Variants in VWC2 observed in about 807,000 individuals in gnomAD.
The protein encoded by VWC2 is von Willebrand factor C domain containing 2.
In VWC2, 14 loss-of-function variants were observed where a neutral mutation model predicts 29.8. The ratio of observed to expected loss-of-function variants is 0.47; its 90% CI spans 0.31 to 0.74. VWC2 has a LOEUF of 0.74. VWC2 is among the 30% of genes least tolerant of loss of function. The pLI, the probability that VWC2 is intolerant of heterozygous loss-of-function variation, is 0.05. For missense variants in VWC2, 457 were observed against 459.8 expected (o/e 0.99, Z 0.05); for synonymous variants, 213 against 199.0 (o/e 1.07, Z -0.59).
chr7:49,888,631 C>T (rs1458851113), intron 3 of VWC2, among the ~76,000 whole-genome samples: 1 of 152,162 alleles, frequency 6.6e-6, no homozygotes, highest in African/African-American at 2.4e-5. Flanking sequence ...GCACCTTTTG[C>T]CAGGCGCGGT....
chr7:49,911,187 T>C (rs935826419), intron 3 of VWC2, among the ~76,000 whole-genome samples: 2 of 152,084 alleles, frequency 1.3e-5, no homozygotes, highest in Non-Finnish European at 2.9e-5. Flanking sequence ...TTGTCTCTTA[T>C]AAAAATTTTA....
chr7:49,787,531 C>T (rs1788326555), intron 2 of VWC2, among the ~76,000 whole-genome samples: 1 of 152,184 alleles, frequency 6.6e-6, no homozygotes, highest in African/African-American at 2.4e-5. Flanking sequence ...TGGAGGGAAA[C>T]AAGCCCCACC....
At chr7:49,871,908 AACACACAC>A (rs72332840) in intron 3 of VWC2, among the ~76,000 whole-genome samples, 23,902 of 87,730 alleles carry the variant, frequency 0.27, 3,816 homozygotes, top group Non-Finnish European at 0.34. Context: ...TGTGTATATA[AACACACAC>A]ACACACACAC....
intron 3 of VWC2, among the ~76,000 whole-genome samples, chr7:49,865,999 C>T (rs1399182728): frequency 6.6e-6 from 1 of 152,148 alleles, no homozygotes; most frequent in Admixed American, 6.5e-5. Flanking sequence ...TACAGCCATA[C>T]CTTGCTTTTA....
intron 3 of VWC2, among the ~76,000 whole-genome samples, chr7:49,865,493 G>T (rs752020648): frequency 5.3e-5 from 8 of 152,210 alleles, no homozygotes; most frequent in African/African-American, 1.7e-4. Flanking sequence ...TGGCTGATAT[G>T]TCTGGGCTGG....
At chr7:49,877,831 C>G (rs1245459235) in intron 3 of VWC2, among the ~76,000 whole-genome samples, 1 of 151,926 alleles carries the variant, frequency 6.6e-6, no homozygotes, top group African/African-American at 2.4e-5. Context: ...AAGGCTACTG[C>G]TACCATTTCC....
intron 2 of VWC2, among the ~76,000 whole-genome samples, chr7:49,788,444 C>CGTGTGTGT (rs1296394812): frequency 6.1e-5 from 8 of 130,200 alleles, no homozygotes; most frequent in Non-Finnish European, 9.8e-5. Flanking sequence ...TTTCCCCTGG[C>CGTGTGTGT]CTGTGTGTGT....
chr7:49,811,374 G>A (rs778649986), intron 3 of VWC2, among the ~76,000 whole-genome samples: 22 of 152,276 alleles, frequency 1.4e-4, no homozygotes, highest in Non-Finnish European at 2.8e-4. Context: ...GGTTGATGCT[G>A]TTCTTGTGAT....
At chr7:49,783,675 G>A (rs1055393679) in intron 2 of VWC2, among the ~76,000 whole-genome samples, 1 of 152,218 alleles carries the variant, frequency 6.6e-6, no homozygotes, top group Non-Finnish European at 1.5e-5. Context: ...CTGTGGAAAA[G>A]GATGATGTCA....
chr7:49,854,433 T>C (rs1790331667), intron 3 of VWC2, among the ~76,000 whole-genome samples: 1 of 152,156 alleles, frequency 6.6e-6, no homozygotes, highest in Admixed American at 6.5e-5. Context: ...TATCTCATTG[T>C]GGTTTTGATT....
At chr7:49,812,053 G>A (rs909114457) in intron 3 of VWC2, among the ~76,000 whole-genome samples, 1 of 152,150 alleles carries the variant, frequency 6.6e-6, no homozygotes, top group East Asian at 1.9e-4. Flanking sequence ...AGAAGCTGTT[G>A]CAAAAGATTA....
intron 2 of VWC2, among the ~76,000 whole-genome samples, chr7:49,794,703 C>T (rs1250487545): frequency 6.6e-6 from 1 of 152,190 alleles, no homozygotes; most frequent in African/African-American, 2.4e-5. Context: ...TTCCTAGTAC[C>T]TTCCCTCTCT....
chr7:49,874,548 A>ATG (rs3062201), intron 3 of VWC2, among the ~76,000 whole-genome samples: 6,603 of 147,732 alleles, frequency 0.045, 394 homozygotes, highest in South Asian at 0.13. Context: ...ATGACTATAT[A>ATG]TGTGTGTGTG....
At chr7:49,849,180 C>T (rs915051511) in intron 3 of VWC2, among the ~76,000 whole-genome samples, 3 of 152,174 alleles carry the variant, frequency 2.0e-5, no homozygotes, top group Non-Finnish European at 2.9e-5. Flanking sequence ...CACTGGATCC[C>T]GTGAAGCCTC....
chr7:49,867,277 T>TA (rs1040452491), intron 3 of VWC2, among the ~76,000 whole-genome samples: 5 of 152,124 alleles, frequency 3.3e-5, no homozygotes, highest in African/African-American at 9.7e-5. Context: ...AAAATATACT[T>TA]AAAGATTTTT....
intron 3 of VWC2, among the ~76,000 whole-genome samples, chr7:49,863,916 T>A (rs117173089): frequency 0.033 from 4,987 of 152,300 alleles, 307 homozygotes; most frequent in Admixed American, 0.16. Context: ...CCTTTTAGCA[T>A]AGTTTTTTCT....
chr7:49,894,466 C>T (rs982635936), intron 3 of VWC2, among the ~76,000 whole-genome samples: 1 of 152,234 alleles, frequency 6.6e-6, no homozygotes, highest in South Asian at 2.1e-4. Context: ...TATGGCTTAC[C>T]ATCCCTTGTT....
intron 2 of VWC2, among the ~76,000 whole-genome samples, chr7:49,798,871 G>A (rs796649202): frequency 2.0e-5 from 3 of 152,356 alleles, no homozygotes; most frequent in African/African-American, 7.2e-5. Flanking sequence ...CTCAAGTGAT[G>A]TCTTAATGGA....
intron 3 of VWC2, among the ~76,000 whole-genome samples, chr7:49,825,911 G>A (rs1789380140): frequency 6.6e-6 from 1 of 152,102 alleles, no homozygotes; most frequent in South Asian, 2.1e-4. Flanking sequence ...GTACTGATTT[G>A]GAGTCTTACC....
Sources: allele counts gnomAD v4.1 joint callset (sites outside exome capture counted in the v4.1 genomes callset), GRCh38; gene constraint gnomAD v4.1.1; transcripts MANE v1.5; gene names NCBI Gene and HGNC (gene_info 2026-07-23, HGNC 2026-07-21).